The following SCNN1B variants were observed in gnomAD, a reference collection of about 807,000 sequenced individuals.
The protein encoded by SCNN1B is sodium channel epithelial 1 subunit beta.
SCNN1B carries 46 observed loss-of-function variants against 65.3 expected under a neutral mutation model. That is an observed-to-expected ratio of 0.70 (90% CI 0.56 to 0.90). SCNN1B has a LOEUF of 0.90. SCNN1B is among the 40% of genes least tolerant of loss of function. The pLI is 0.00. For synonymous variants in SCNN1B, 349 were observed against 330.6 expected (o/e 1.06, Z -0.60); for missense variants, 751 against 830.5 (o/e 0.90, Z 1.18).
intron 1 of SCNN1B, among the ~76,000 whole-genome samples, chr16:23,321,624 C>T (rs1201871100): frequency 2.4e-4 from 37 of 152,136 alleles, no homozygotes; most frequent in Admixed American, 2.2e-3. Context: ...GCAATGACCC[C>T]CCGGAGCATT....
chr16:23,377,096 T>G, intron 8 of SCNN1B, 69 bp from the exon 9 acceptor site: 2 of 1,408,444 alleles, frequency 1.4e-6, no homozygotes, highest in Non-Finnish European at 2.0e-6. Context: ...AGCCAGAGGC[T>G]CAGCAGGGAA....
intron 1 of SCNN1B, among the ~76,000 whole-genome samples, chr16:23,319,806 C>T (rs1039277604): frequency 2.0e-5 from 3 of 151,730 alleles, no homozygotes; most frequent in African/African-American, 7.3e-5. Flanking sequence ...CTTGCTCTGT[C>T]GCCCAGGCTG....
chr16:23,344,540 G>A (rs987312864), intron 1 of SCNN1B, among the ~76,000 whole-genome samples: 4 of 152,194 alleles, frequency 2.6e-5, no homozygotes, highest in Non-Finnish European at 4.4e-5. Flanking sequence ...ATACTTTGAT[G>A]TTGCTCTTGT....
At chr16:23,352,728 G>T in intron 2 of SCNN1B, 73 bp from the exon 3 acceptor site, 3 of 1,524,518 alleles carry the variant, frequency 2.0e-6, no homozygotes, top group Non-Finnish European at 2.7e-6. Context: ...ACTATGGAGT[G>T]GGTCCCAGAT....
chr16:23,349,446 C>T (rs754206668), intron 2 of SCNN1B, among the ~76,000 whole-genome samples: 33 of 152,016 alleles, frequency 2.2e-4, no homozygotes, highest in Non-Finnish European at 4.4e-4. Context: ...GAGATGGCGC[C>T]ACTTGAGTTT....
chr16:23,292,853 G>A (rs973107115), intron 2 of SCNN1B, among the ~76,000 whole-genome samples: 2 of 150,470 alleles, frequency 1.3e-5, no homozygotes, highest in Admixed American at 6.6e-5. Flanking sequence ...AGTGGCTCAC[G>A]CCTGTAATCC....
intron 11 of SCNN1B, 98 bp downstream of exon 11, chr16:23,378,865 C>A: frequency 8.7e-7 from 1 of 1,148,832 alleles, no homozygotes; most frequent in Non-Finnish European, 1.3e-6. Context: ...GACACATTCT[C>A]ACATGGGTCA....
At chr16:23,303,058 G>A (rs2141977433) in intron 1 of SCNN1B, among the ~76,000 whole-genome samples, 2 of 152,298 alleles carry the variant, frequency 1.3e-5, no homozygotes, top group South Asian at 4.1e-4. Context: ...TGTGGTGGAG[G>A]AGGCCAGATC....
chr16:23,332,321 G>A (rs112830540), intron 1 of SCNN1B, among the ~76,000 whole-genome samples: 9,956 of 151,736 alleles, frequency 0.066, 1,103 homozygotes, highest in African/African-American at 0.23. Flanking sequence ...TCAGCCTCCC[G>A]AGTAGCTGGG....
intron 7 of SCNN1B, among the ~76,000 whole-genome samples, chr16:23,372,945 CAAA>C (rs374678974): frequency 7.1e-6 from 1 of 140,130 alleles, no homozygotes; most frequent in Non-Finnish European, 1.6e-5. Flanking sequence ...ACTAAAAATA[CAAA>C]AAAAAAAAAT....
At chr16:23,288,357 T>C (rs1214479285) in intron 2 of SCNN1B, among the ~76,000 whole-genome samples, 1 of 152,176 alleles carries the variant, frequency 6.6e-6, no homozygotes, top group Admixed American at 6.5e-5. Context: ...AGTTCCCTAG[T>C]GTATTAGCTG....
chr16:23,371,955 C>G, intron 7 of SCNN1B, 72 bp downstream of exon 7: 1 of 1,122,358 alleles, frequency 8.9e-7, no homozygotes, highest in Non-Finnish European at 1.4e-6. Flanking sequence ...CTCAGTACTC[C>G]GGGAGAGCTG....
chr16:23,377,823 A>G (rs1049088977), intron 10 of SCNN1B, among the ~76,000 whole-genome samples: 2 of 146,316 alleles, frequency 1.4e-5, no homozygotes, highest in African/African-American at 5.1e-5. Context: ...CCTTCCACCA[A>G]TATTCTCCCA....
At chr16:23,297,184 T>C (rs903533537) in intron 2 of SCNN1B, among the ~76,000 whole-genome samples, 6 of 152,180 alleles carry the variant, frequency 3.9e-5, no homozygotes, top group East Asian at 1.9e-4. Flanking sequence ...CCTCAAGCCA[T>C]GGCTTCCCTT....
At chr16:23,301,442 G>GAAAGGAAAGAGAAAGAAAGAAAA (rs1555482928), upstream of SCNN1B, among the ~76,000 whole-genome samples, 12,323 of 149,454 alleles carry the variant, frequency 0.082, 1,166 homozygotes, top group African/African-American at 0.23. Context: ...AGAAAGGAAA[G>GAAAGGAAAGAGAAAGAAAGAAAA]AGAAAGAAAG....
At chr16:23,328,294 T>C (rs897203150) in intron 1 of SCNN1B, among the ~76,000 whole-genome samples, 1 of 152,226 alleles carries the variant, frequency 6.6e-6, no homozygotes, top group African/African-American at 2.4e-5. Flanking sequence ...TGTGATTTTG[T>C]GGACATTCTT....
intron 1 of SCNN1B, among the ~76,000 whole-genome samples, chr16:23,308,925 C>T (rs1961279094): frequency 6.6e-6 from 1 of 152,138 alleles, no homozygotes; most frequent in Non-Finnish European, 1.5e-5. Context: ...TTAATAAGCT[C>T]TCTTAGTGAT....
Position 23,371,296 on chromosome 16 carries a change from C to T in SCNN1B, c.881-3C>T. 6.2e-6 allele frequency: 10 copies of T among 1,614,032 alleles called. No individual in the cohort carries two copies. Among genetic ancestry groups the T allele is most frequent in the Admixed American group, 1.7e-5 (1 of 60,006 alleles). On this transcript the variant is annotated splice_region_variant and splice_polypyrimidine_tract_variant and intron_variant, in intron 5 of 12. Transcript: ENST00000343070. ...GGCAGCCCTCACCCCACCCTCCCCA[C>T]AGGCCTGAAGTTGATCCTGGACATA...
intron 1 of SCNN1B, among the ~76,000 whole-genome samples, chr16:23,320,611 G>T (rs775843587): frequency 6.6e-6 from 1 of 152,222 alleles, no homozygotes; most frequent in South Asian, 2.1e-4. Flanking sequence ...AAAAGTTCTC[G>T]TCCATGTGTT....
Sources: allele counts gnomAD v4.1 joint callset (sites outside exome capture counted in the v4.1 genomes callset), GRCh38; gene constraint gnomAD v4.1.1; transcripts MANE v1.5; gene names NCBI Gene and HGNC (gene_info 2026-07-23, HGNC 2026-07-21).